SPTBN1: variants seen among roughly 807,000 people sequenced by gnomAD.
SPTBN1 encodes spectrin beta chain, non-erythrocytic 1.
SPTBN1 carries 32 observed loss-of-function variants against 266.4 expected under a neutral mutation model. That is an observed-to-expected ratio of 0.12 (90% CI 0.09 to 0.16). The LOEUF (loss-of-function observed/expected upper bound fraction) is 0.16. Ranked by LOEUF, SPTBN1 falls within the 10% of genes least tolerant of loss-of-function variation. SPTBN1 has a pLI of 1.00. For missense variants in SPTBN1, 2,296 were observed against 3,067.1 expected, an observed-to-expected ratio of 0.75 and a Z score of 5.94; for synonymous variants, 1,336 against 1,162.2, an observed-to-expected ratio of 1.15 and a Z score of -3.04.
chr2:54,507,326 A>C (rs1669626789), intron 1 of SPTBN1, among the ~76,000 whole-genome samples: 1 of 152,098 alleles, frequency 6.6e-6, no homozygotes, highest in Non-Finnish European at 1.5e-5. Flanking sequence ...TAAGAAAAAT[A>C]AAATAGTGGT....
chr2:54,612,132 T>G, intron 3 of SPTBN1, 29 bp from the exon 4 acceptor site: 1 of 1,550,906 alleles, frequency 6.4e-7, no homozygotes. Context: ...TTGGGTGATG[T>G]GTCTCTACCT....
chr2:54,551,075 C>T (rs1250459465), intron 2 of SPTBN1, among the ~76,000 whole-genome samples: 2 of 152,204 alleles, frequency 1.3e-5, no homozygotes, highest in African/African-American at 4.8e-5. Context: ...GACCCAGAGG[C>T]CTATTTTCAC....
At chr2:54,552,320 T>TTAATTTATAAATTAATTGAGA (rs1374010616) in intron 2 of SPTBN1, among the ~76,000 whole-genome samples, 1 of 152,242 alleles carries the variant, frequency 6.6e-6, no homozygotes, top group Non-Finnish European at 1.5e-5. Flanking sequence ...TGTATCTCAC[T>TTAATTTATAAATTAATTGAGA]TAATTTATAA....
chr2:54,643,944 C>G (rs1341746576), intron 19 of SPTBN1, among the ~76,000 whole-genome samples: 1 of 151,754 alleles, frequency 6.6e-6, no homozygotes, highest in Non-Finnish European at 1.5e-5. Flanking sequence ...TGTACTTCAG[C>G]CTGGGTGATA....
At chr2:54,662,108 G>T (rs1000748271) in intron 32 of SPTBN1, 2 of 985,324 alleles carry the variant, frequency 2.0e-6, no homozygotes, top group African/African-American at 1.7e-5. Flanking sequence ...TAAGTATCTC[G>T]GGTGTGCCCA....
At chr2:54,557,205 A>T (rs1672932857) in intron 2 of SPTBN1, among the ~76,000 whole-genome samples, 1 of 152,168 alleles carries the variant, frequency 6.6e-6, no homozygotes, top group African/African-American at 2.4e-5. Context: ...CCTGGACAGG[A>T]TGCAGTTACT....
chr2:54,541,579 C>A (rs1369858752), intron 2 of SPTBN1, among the ~76,000 whole-genome samples: 6 of 152,178 alleles, frequency 3.9e-5, no homozygotes, highest in African/African-American at 1.4e-4. Flanking sequence ...TTTTAACTCC[C>A]TCACATTCAG....
chr2:54,547,191 C>T (rs1476151602), intron 2 of SPTBN1, among the ~76,000 whole-genome samples: 1 of 152,164 alleles, frequency 6.6e-6, no homozygotes, highest in Non-Finnish European at 1.5e-5. Flanking sequence ...AACTACTCAA[C>T]ATACTGCATG....
rs190873416 is a variant in SPTBN1, at chr2:54,527,037, C to T, written c.148+471C>T. 241 of 152,764 alleles carry T rather than the reference C, an allele frequency of 1.6e-3. 1 individual carries two copies. The highest frequency in any genetic ancestry group is 2.7e-3 in the Non-Finnish European group (187 of 68,384). 9.5% of individuals were successfully genotyped at this position (152,764 alleles called of 1,614,324 possible). A position where few individuals can be genotyped will look rare whatever the true frequency, so the allele number is the denominator to read the frequency against. ...GGTAAAGGCACATTTAATACAGTAA[C>T]GAGTAAGTTTGCCATTGGTCCATTA... On this transcript the variant is annotated intron_variant, in intron 2 of 35. Coordinates refer to ENST00000356805, the MANE Select transcript of SPTBN1 (RefSeq NM_003128.3).
chr2:54,560,196 G>C (rs1420077424), intron 2 of SPTBN1, among the ~76,000 whole-genome samples: 1 of 142,356 alleles, frequency 7.0e-6, no homozygotes, highest in Non-Finnish European at 1.5e-5. Flanking sequence ...GTGGGGGGGG[G>C]CGTTCATTAT....
intron 17 of SPTBN1, among the ~76,000 whole-genome samples, chr2:54,636,930 C>G (rs1041614861): frequency 2.0e-5 from 3 of 152,214 alleles, no homozygotes; most frequent in African/African-American, 7.2e-5. Flanking sequence ...GAAGGCAATC[C>G]TTTGCTAGGC....
chr2:54,479,920 C>A (rs1668017428), intron 1 of SPTBN1, among the ~76,000 whole-genome samples: 1 of 151,876 alleles, frequency 6.6e-6, no homozygotes, highest in South Asian at 2.1e-4. Flanking sequence ...GCCTCTAACT[C>A]CTGCGCTCAA....
chr2:54,500,207 A>G (rs1396982902), intron 1 of SPTBN1, among the ~76,000 whole-genome samples: 1 of 152,200 alleles, frequency 6.6e-6, no homozygotes, highest in Admixed American at 6.5e-5. Context: ...TATGTTTGAG[A>G]CATTTTATTG....
chr2:54,470,380 A>G lies in SPTBN1; in HGVS notation c.-48+13862A>G, dbSNP rs971986410. Among the ~76,000 whole-genome samples the G allele has an allele frequency of 1.7e-4, 26 of 152,342 alleles. No homozygotes were observed. In the East Asian group the frequency reaches 1.9e-3, roughly 11 times the overall value. On this transcript the variant is annotated intron_variant, in intron 1 of 35. Coordinates refer to ENST00000356805, the MANE Select transcript of SPTBN1 (RefSeq NM_003128.3). ...AACTTTGTTCACGTGAAATAAACCTATCTTTAGTGAGTCATACTTGAGAAC... is the reference window on the plus strand; with the variant it reads ...AACTTTGTTCACGTGAAATAAACCTGTCTTTAGTGAGTCATACTTGAGAAC...
At position 54,562,670 on chromosome 2, in the gene SPTBN1, A is replaced by C. The variant is rs372611814; in HGVS notation, c.148+36104A>C. Among the ~76,000 whole-genome samples the C allele has an allele frequency of 2.0e-5, 3 of 148,942 alleles. No homozygotes were observed. In the South Asian group the frequency reaches 6.3e-4, roughly 31 times the overall value. The stretch of plus-strand genomic sequence containing the variant: ...CTCAGTCTCCCCAGTAGCTGGGACT[A>C]CAGGCACTTGCCACCAAACCCTGCT... On this transcript the variant is annotated intron_variant, in intron 2 of 35. Coordinates refer to ENST00000356805, the MANE Select transcript of SPTBN1 (RefSeq NM_003128.3).
chr2:54,486,168 TGC>T (rs1424365172), intron 1 of SPTBN1, among the ~76,000 whole-genome samples: 1,918 of 127,262 alleles, frequency 0.015, 45 homozygotes, highest in African/African-American at 0.052. Flanking sequence ...CGGCCGCCCC[TGC>T]TGGGAAGTGA....
At chr2:54,522,129 T>TG (rs977734798) in intron 1 of SPTBN1, among the ~76,000 whole-genome samples, 3 of 152,024 alleles carry the variant, frequency 2.0e-5, no homozygotes, top group African/African-American at 7.2e-5. Context: ...CTTTAACGCC[T>TG]GGGCTCAAGT....
chr2:54,468,205 G>A (rs1693735185), intron 1 of SPTBN1, among the ~76,000 whole-genome samples: 1 of 152,130 alleles, frequency 6.6e-6, no homozygotes, highest in Non-Finnish European at 1.5e-5. Context: ...TACTTGGGAG[G>A]CTGAGGCAGG....
intron 3 of SPTBN1, among the ~76,000 whole-genome samples, chr2:54,609,210 T>G (rs1461476733): frequency 2.6e-5 from 4 of 152,234 alleles, no homozygotes; most frequent in African/African-American, 9.6e-5. Context: ...TCCGCATCAT[T>G]TGTCATCTTT....
Sources: allele counts gnomAD v4.1 joint callset (sites outside exome capture counted in the v4.1 genomes callset), GRCh38; gene constraint gnomAD v4.1.1; transcripts MANE v1.5; gene names NCBI Gene and HGNC (gene_info 2026-07-23, HGNC 2026-07-21).